SERAC1: variants seen among roughly 807,000 people sequenced by gnomAD.
The protein encoded by SERAC1 is serine active site containing 1.
In SERAC1, 36 loss-of-function variants were observed where a neutral mutation model predicts 85.7. The ratio of observed to expected loss-of-function variants is 0.42; its 90% CI spans 0.32 to 0.55. The LOEUF (loss-of-function observed/expected upper bound fraction) is 0.55. SERAC1 is among the 20% of genes least tolerant of loss of function. SERAC1 has a pLI of 0.11. For missense variants in SERAC1, 629 were observed against 796.2 expected, an observed-to-expected ratio of 0.79 and a Z score of 2.53; for synonymous variants, 242 against 265.3, an observed-to-expected ratio of 0.91 and a Z score of 0.85.
At chr6:158,156,366 A>C (rs1443949571) in intron 2 of SERAC1, among the ~76,000 whole-genome samples, 1 of 152,124 alleles carries the variant, frequency 6.6e-6, no homozygotes, top group East Asian at 1.9e-4. Flanking sequence ...GCTAGGGCTA[A>C]CAGTGTAACA....
At chr6:158,153,489 C>T (rs1436393837) in intron 3 of SERAC1, among the ~76,000 whole-genome samples, 2 of 152,044 alleles carry the variant, frequency 1.3e-5, no homozygotes, top group Admixed American at 6.5e-5. Flanking sequence ...GAATTACATA[C>T]CTTCTGATAG....
chr6:158,129,667 A>G (rs1034252313), intron 9 of SERAC1, among the ~76,000 whole-genome samples: 6 of 151,572 alleles, frequency 4.0e-5, no homozygotes, highest in Non-Finnish European at 8.8e-5. Context: ...TCAAGAGTAT[A>G]GTCATCTAAT....
intron 8 of SERAC1, among the ~76,000 whole-genome samples, chr6:158,134,693 G>A (rs927819207): frequency 1.3e-5 from 2 of 151,842 alleles, no homozygotes; most frequent in African/African-American, 4.8e-5. Flanking sequence ...TAAAATTAGG[G>A]GGAAAAACTC....
intron 10 of SERAC1, among the ~76,000 whole-genome samples, chr6:158,122,571 C>T (rs1784447531): frequency 6.6e-6 from 1 of 152,130 alleles, no homozygotes; most frequent in African/African-American, 2.4e-5. Flanking sequence ...CACTTGAGGT[C>T]AGGAGTTCAA....
chr6:158,158,575 A>G (rs1785413111), intron 1 of SERAC1: 1 of 447,328 alleles, frequency 2.2e-6, no homozygotes, highest in Non-Finnish European at 4.0e-6. Flanking sequence ...AATTTTCATT[A>G]TTCTTCCTCA....
intron 15 of SERAC1, among the ~76,000 whole-genome samples, chr6:158,113,833 C>G (rs1210075905): frequency 6.6e-6 from 1 of 152,102 alleles, no homozygotes; most frequent in Admixed American, 6.5e-5. Flanking sequence ...GGGCAGGAAG[C>G]AGTTCCCAGG....
At chr6:158,142,923 C>T (rs1784951419) in intron 8 of SERAC1, 133 bp downstream of exon 8, 3 of 671,704 alleles carry the variant, frequency 4.5e-6, no homozygotes, top group African/African-American at 3.6e-5. Context: ...TCCCTGACAT[C>T]CAGCCCAGGG....
intron 10 of SERAC1, among the ~76,000 whole-genome samples, chr6:158,127,387 C>T (rs1167972723): frequency 7.4e-5 from 5 of 67,388 alleles, no homozygotes; most frequent in Non-Finnish European, 1.3e-4. Context: ...GGTCAGCCCC[C>T]CTGCCCGGCC....
chr6:158,114,456 T>G (rs181820767), intron 15 of SERAC1: 1 of 1,085,570 alleles, frequency 9.2e-7, no homozygotes, highest in African/African-American at 1.6e-5. Flanking sequence ...ATTTTAACAG[T>G]TGATGATTCT....
chr6:158,167,178 T>G (rs1183659742), intron 1 of SERAC1, among the ~76,000 whole-genome samples: 1 of 130,252 alleles, frequency 7.7e-6, no homozygotes, highest in Non-Finnish European at 1.6e-5. Context: ...GGGAACTAAA[T>G]GGAAGAGCTG....
Position 158,120,282 on chromosome 6 carries a change from T to C in SERAC1, c.1166+143A>G. The C allele has an allele frequency of 1.2e-6, 1 of 867,808 alleles. No homozygotes were observed. Among genetic ancestry groups the C allele is most frequent in the Non-Finnish European group, 1.7e-6 (1 of 600,328 alleles). 53.8% of individuals were successfully genotyped at this position (867,808 alleles called of 1,614,324 possible). ...ACCTCCAATTCTTTTGTGGTTACTA[T>C]AGACAAATTATTTTAGTAAATAAGA... is the stretch of plus-strand genomic sequence containing the variant. On this transcript the variant is annotated intron_variant, in intron 11 of 16. Coordinates refer to ENST00000647468, the MANE Select transcript of SERAC1 (RefSeq NM_032861.4). The surrounding 1 kb of genome is among the most constrained non-coding windows in gnomAD (Gnocchi z 4.4).
chr6:158,155,443 A>G (rs909637061), intron 2 of SERAC1, 92 bp from the exon 3 acceptor site: 2 of 695,318 alleles, frequency 2.9e-6, no homozygotes, highest in Admixed American at 2.6e-5. Flanking sequence ...TATATCATAT[A>G]TTATCAGATA....
intron 3 of SERAC1, among the ~76,000 whole-genome samples, chr6:158,151,864 T>C (rs1785212767): frequency 6.6e-6 from 1 of 151,354 alleles, no homozygotes; most frequent in Non-Finnish European, 1.5e-5. Flanking sequence ...AAAATTTAAG[T>C]TCATAAGTTA....
rs377627919 is a variant in SERAC1 at position 158,154,882 on chromosome 6, C to T, written c.128+433G>A. On this transcript the variant is annotated intron_variant, in intron 3 of 16. Transcript: ENST00000647468. ...ACTGTGTCAGAGCTGAGTGAGTGCC[C>T]GATTTAAGCGTGCCGGAGCTGAGTG... Among the ~76,000 whole-genome samples the T allele has an allele frequency of 6.6e-5, 10 of 150,474 alleles. No homozygotes were observed. The East Asian group carries it at 7.8e-4, about 12-fold the overall frequency.
chr6:158,167,217 C>T (rs1040499545), intron 1 of SERAC1, among the ~76,000 whole-genome samples: 2 of 112,852 alleles, frequency 1.8e-5, no homozygotes, highest in African/African-American at 3.6e-5. Context: ...TGAACACACA[C>T]GATGTTAAAA....
intron 5 of SERAC1, among the ~76,000 whole-genome samples, chr6:158,147,871 T>G (rs1785110187): frequency 6.6e-6 from 1 of 151,518 alleles, no homozygotes; most frequent in African/African-American, 2.4e-5. Flanking sequence ...TCATCTATAT[T>G]CACATGTAAT....
intron 8 of SERAC1, among the ~76,000 whole-genome samples, chr6:158,140,910 C>T (rs1296460951): frequency 6.6e-6 from 1 of 152,066 alleles, no homozygotes; most frequent in Admixed American, 6.6e-5. Flanking sequence ...TGCTTTTTTC[C>T]TATCTTGTAC....
chr6:158,116,209 C>A lies in SERAC1; in HGVS notation c.1477G>T (p.Val493Phe). The A allele has an allele frequency of 6.2e-7, 1 of 1,614,130 alleles. No homozygotes were observed. The highest frequency in any genetic ancestry group is 8.5e-7 in the Non-Finnish European group (1 of 1,179,964). The change falls in exon 14 of 17, where the codon GTT (valine) becomes TTT (phenylalanine). Residue 493 changes from valine to phenylalanine, a missense_variant. Coordinates refer to ENST00000647468, the MANE Select transcript of SERAC1 (RefSeq NM_032861.4). ...RAAGVGDRPV[V>F]WISHSMGGLL... Reference sequence around the variant, plus strand: ...CCTCCCATGCTATGTGATATCCAAACCACTGGCCTATCCCCAACACCAGCA... The same window carrying A: ...CCTCCCATGCTATGTGATATCCAAAACACTGGCCTATCCCCAACACCAGCA...
At chr6:158,159,744 C>T (rs1785442940) in intron 1 of SERAC1, among the ~76,000 whole-genome samples, 2 of 151,902 alleles carry the variant, frequency 1.3e-5, no homozygotes, top group South Asian at 2.1e-4. Flanking sequence ...CCCACCTCAG[C>T]CTACCGAGCA....
Sources: allele counts gnomAD v4.1 joint callset (sites outside exome capture counted in the v4.1 genomes callset), GRCh38; gene constraint gnomAD v4.1.1; non-coding constraint Gnocchi (gnomAD v3.1); transcripts MANE v1.5; gene names NCBI Gene and HGNC (gene_info 2026-07-23, HGNC 2026-07-21).